R3HCC1: variants seen among roughly 807,000 people sequenced by gnomAD.
R3HCC1 encodes R3H and coiled-coil domain-containing protein 1.
Under a neutral mutation model 40.0 loss-of-function variants are expected in R3HCC1, and 32 were observed. The observed-to-expected ratio is 0.80, with a 90% confidence interval of 0.60 to 1.07. R3HCC1 has a LOEUF of 1.07. R3HCC1 is among the 50% of genes least tolerant of loss of function. R3HCC1 has a pLI of 0.00. For missense variants in R3HCC1, 586 were observed against 563.3 expected (o/e 1.04, Z -0.41); for synonymous variants, 237 against 232.8 (o/e 1.02, Z -0.17).
In R3HCC1 at chr8:23,290,441, A is replaced by G; in HGVS notation, c.824A>G (p.Glu275Gly). Residue 275 changes from glutamate (E) to glycine (G), a missense_variant, in exon 4 of 8, where the codon GAG (glutamate) becomes GGG (glycine). Transcript: ENST00000265806. The stretch of plus-strand genomic sequence containing the variant: ...GAGGATGGCCCCAGCAGCTGCTCGG[A>G]GGACGATTACAGTGAGCTGCTGCAG... 6.4e-7 allele frequency: 1 copy of G among 1,551,134 alleles called. No homozygotes were observed.
intron 5 of R3HCC1, among the ~76,000 whole-genome samples, chr8:23,292,808 C>T (rs542715864): frequency 3.3e-5 from 5 of 152,180 alleles, no homozygotes; most frequent in South Asian, 2.1e-4. Flanking sequence ...TTTCTCTGCC[C>T]GGGTGGGGCC....
At chr8:23,292,616 AAAAAAT>A (rs1475800561) in intron 5 of R3HCC1, among the ~76,000 whole-genome samples, 2 of 142,984 alleles carry the variant, frequency 1.4e-5, no homozygotes, top group South Asian at 2.1e-4. Context: ...TCCCTCTCAA[AAAAAAT>A]AAAAATAAAA....
In R3HCC1 at chr8:23,290,182, A is replaced by G. The variant is rs761309582; in HGVS notation, c.565A>G (p.Thr189Ala). The change falls in exon 4 of 8, where the codon ACT (threonine) becomes GCT (alanine). Residue 189 changes from threonine (T) to alanine (A), a missense_variant. By Grantham distance (58) the Thr-to-Ala change is moderately conservative. Coordinates refer to ENST00000265806, the MANE Select transcript of R3HCC1 (RefSeq NM_001136108.3). ...TGATCAGGGACTCCCTGTGCTGATGACTCAGGGAACAGAGGACCTAAAGGG... is the reference window on the plus strand; with the variant it reads ...TGATCAGGGACTCCCTGTGCTGATGGCTCAGGGAACAGAGGACCTAAAGGG... The G allele has an allele frequency of 9.7e-6, 15 of 1,551,530 alleles. No homozygotes were observed. In the South Asian group the frequency reaches 1.2e-4, roughly 12 times the overall value.
chr8:23,294,940 T>C lies in R3HCC1; in HGVS notation c.1192+76T>C, dbSNP rs575105244. The C allele has an allele frequency of 7.5e-6, 8 of 1,070,482 alleles. No individual in the cohort carries two copies. The East Asian group carries it at 1.8e-4, about 24-fold the overall frequency. The allele number at this position is 1,070,482 out of a possible 1,614,324, so 66.3% of individuals were successfully genotyped here. On this transcript the variant is annotated intron_variant, in intron 7 of 7. Coordinates refer to ENST00000265806, the MANE Select transcript of R3HCC1 (RefSeq NM_001136108.3). ...GTGCGAGCATGTGTGTGTGTGCGTG[T>C]GTGTGTGTCTGGTTTGGGCAGGGTC... is the stretch of plus-strand genomic sequence containing the variant.
chr8:23,293,149 C>T (rs986317075), intron 5 of R3HCC1, among the ~76,000 whole-genome samples, 154 bp from the exon 6 acceptor site: 12 of 152,172 alleles, frequency 7.9e-5, no homozygotes, highest in Admixed American at 5.9e-4. Context: ...AGGAAATTTG[C>T]TGCAAATGAT....
At chr8:23,294,621 G>A (rs939510337) in intron 6 of R3HCC1, 148 bp from the exon 7 acceptor site, 6 of 643,352 alleles carry the variant, frequency 9.3e-6, no homozygotes, top group East Asian at 2.8e-5. Context: ...GGCGGCAGTC[G>A]TCTCTTGCCC....
chr8:23,289,207 C>T, intron 3 of R3HCC1, 54 bp downstream of exon 3: 1 of 1,523,536 alleles, frequency 6.6e-7, no homozygotes, highest in Non-Finnish European at 8.8e-7. Flanking sequence ...GGGTGGCCAG[C>T]TAGCTGGTCA....
At chr8:23,294,897 C>CTGTGTG in intron 7 of R3HCC1, 33 bp downstream of exon 7, 2 of 1,374,490 alleles carry the variant, frequency 1.5e-6, no homozygotes, top group African/African-American at 1.5e-5. Flanking sequence ...AATAGGGAGG[C>CTGTGTG]TGTGTGTGTG....
At chr8:23,288,280 G>A in intron 1 of R3HCC1, 123 bp downstream of exon 1, 1 of 1,119,622 alleles carries the variant, frequency 8.9e-7, no homozygotes, top group Non-Finnish European at 1.2e-6. Flanking sequence ...CGCAGGGTGT[G>A]GAGCCACCCT....
At chr8:23,295,070 G>T (rs969662760) in intron 7 of R3HCC1, among the ~76,000 whole-genome samples, 1 of 152,118 alleles carries the variant, frequency 6.6e-6, no homozygotes, top group Non-Finnish European at 1.5e-5. Flanking sequence ...GCCTAGGGGG[G>T]GTCTGGGGCA....
rs897883593 is a variant in R3HCC1, at chr8:23,293,319, A to T, written c.1042A>T (p.Ile348Phe). The T allele has an allele frequency of 6.4e-7, 1 of 1,551,104 alleles. No homozygotes were observed. The highest frequency in any genetic ancestry group is 1.4e-5 in the African/African-American group (1 of 72,922). ...GCCGCACAGAGAGAAGGGGTTCAGG[A>T]TTCAGTGGGTGGATGATACTCACGC... The change falls in exon 6 of 8, where the codon ATT becomes TTT. Residue 348 changes from isoleucine (I) to phenylalanine (F), a missense_variant. Ile to Phe is a conservative substitution (Grantham distance 21, BLOSUM62 0). Transcript: ENST00000265806.
chr8:23,288,721 T>G (rs769345875), intron 2 of R3HCC1, 88 bp downstream of exon 2: 383 of 1,471,122 alleles, frequency 2.6e-4, no homozygotes, highest in Non-Finnish European at 3.3e-4. Flanking sequence ...AGGTGGTGCC[T>G]GGCAGCTGGC....
chr8:23,294,897 CTGTGTGTGTG>C (rs137952235), intron 7 of R3HCC1, 33 bp downstream of exon 7: 7 of 1,374,644 alleles, frequency 5.1e-6, no homozygotes, highest in Non-Finnish European at 7.0e-6. Flanking sequence ...AATAGGGAGG[CTGTGTGTGTG>C]TGTGTGCGTG....
chr8:23,288,736 A>AC (rs2117118225), intron 2 of R3HCC1, 103 bp downstream of exon 2: 2 of 1,404,490 alleles, frequency 1.4e-6, no homozygotes, highest in East Asian at 5.0e-5. Context: ...GCTGGCTCTG[A>AC]CCTTGGCCTT....
chr8:23,294,943 G>C, intron 7 of R3HCC1, 79 bp downstream of exon 7: 1 of 1,064,682 alleles, frequency 9.4e-7, no homozygotes, highest in South Asian at 1.3e-5. Context: ...GTGCGTGTGT[G>C]TGTGTCTGGT....
chr8:23,288,169 A>G lies in R3HCC1; in HGVS notation c.-19+12A>G, dbSNP rs1377602172. ...GCCGAGAGGCCGCGGTGAGTGCAGC[A>G]GCACTGGGGGGGTGGTCGTCCCGAC... is the stretch of plus-strand genomic sequence containing the variant. On this transcript the variant is annotated intron_variant, in intron 1 of 7. Coordinates refer to ENST00000265806, the MANE Select transcript of R3HCC1 (RefSeq NM_001136108.3). The G allele has an allele frequency of 2.0e-5, 24 of 1,219,162 alleles. No individual in the cohort carries two copies. The highest frequency in any genetic ancestry group is 2.5e-5 in the Non-Finnish European group (24 of 961,082). The allele number at this position is 1,219,162 out of a possible 1,614,324, so 75.5% of individuals were successfully genotyped here. A position where few individuals can be genotyped will look rare whatever the true frequency, so the allele number is the denominator to read the frequency against.
chr8:23,296,074 G>A lies in R3HCC1; in HGVS notation c.1300G>A (p.Val434Ile), dbSNP rs937660558. 27 of 1,550,242 alleles carry A rather than the reference G, an allele frequency of 1.7e-5. No individual in the cohort carries two copies. Among genetic ancestry groups the A allele is most frequent in the Non-Finnish European group, 2.4e-5 (27 of 1,146,870 alleles). ...ACACAAAAAGAAAGAGCGGCCTGCT[G>A]TCCGGGGTCCGCTGCCGCCCTGAGG... Residue 434 changes from valine (V) to isoleucine (I), a missense_variant, in exon 8 of 8, where the codon GTC becomes ATC. Coordinates refer to ENST00000265806, the MANE Select transcript of R3HCC1 (RefSeq NM_001136108.3).
intron 4 of R3HCC1, 61 bp downstream of exon 4, chr8:23,290,530 G>A (rs1802845138): frequency 1.3e-6 from 2 of 1,492,152 alleles, no homozygotes; most frequent in South Asian, 2.7e-5. Flanking sequence ...GGCCGTGGGT[G>A]GATGGGGACC....
At chr8:23,288,662 G>A in intron 2 of R3HCC1, 29 bp downstream of exon 2, 7 of 1,532,530 alleles carry the variant, frequency 4.6e-6, no homozygotes, top group East Asian at 2.5e-5. Flanking sequence ...CGAGGGTGCC[G>A]CCTTGCTGGG....
Sources: gnomAD v4.1 joint callset for allele counts (sites outside exome capture counted in the v4.1 genomes callset) on GRCh38, gnomAD v4.1.1 for gene constraint, MANE v1.5 for transcripts, NCBI Gene and HGNC (gene_info 2026-07-23, HGNC 2026-07-21) for gene names.